The following SLC16A7 variants were observed in gnomAD, a reference collection of about 807,000 sequenced individuals.
SLC16A7 encodes the protein monocarboxylate transporter 2.
In SLC16A7, 33 loss-of-function variants were observed where a neutral mutation model predicts 34.9. The ratio of observed to expected loss-of-function variants is 0.94; its 90% CI spans 0.72 to 1.26. The LOEUF is 1.26. Among genes scored for constraint, SLC16A7 ranks in the 50% most tolerant of loss-of-function variants. The pLI, the probability that SLC16A7 is intolerant of heterozygous loss-of-function variation, is 0.00. For missense variants in SLC16A7, 573 were observed against 578.1 expected, an observed-to-expected ratio of 0.99 and a Z score of 0.09; for synonymous variants, 201 against 206.6, an observed-to-expected ratio of 0.97 and a Z score of 0.23.
At chr12:59,779,379 A>T (rs1405055253) in intron 5 of SLC16A7, 44 bp from the exon 6 acceptor site, 1 of 1,413,348 alleles carries the variant, frequency 7.1e-7, no homozygotes, top group East Asian at 2.3e-5. Flanking sequence ...TCATTATATG[A>T]CTGTTTTATT....
intron 3 of SLC16A7, among the ~76,000 whole-genome samples, chr12:59,716,894 C>A (rs1434535330): frequency 6.6e-6 from 1 of 152,030 alleles, no homozygotes; most frequent in Non-Finnish European, 1.5e-5. Flanking sequence ...AAATCAAAAG[C>A]ATTTAAAGTA....
intron 1 of SLC16A7, among the ~76,000 whole-genome samples, chr12:59,609,774 C>T (rs749282497): frequency 9.2e-5 from 14 of 152,078 alleles, no homozygotes; most frequent in Non-Finnish European, 1.5e-4. Flanking sequence ...TTCAGATAAC[C>T]GCTTGTGGTC....
intron 1 of SLC16A7, among the ~76,000 whole-genome samples, chr12:59,627,317 G>T (rs1879972427): frequency 6.6e-6 from 1 of 151,798 alleles, no homozygotes; most frequent in Non-Finnish European, 1.5e-5. Flanking sequence ...TATTTCATAA[G>T]TACATAAAGT....
At chr12:59,766,919 C>T (rs975104957) in intron 3 of SLC16A7, among the ~76,000 whole-genome samples, 46 of 151,990 alleles carry the variant, frequency 3.0e-4, no homozygotes, top group Non-Finnish European at 6.5e-4. Context: ...CCAGTTCCTC[C>T]TTGTACCTCT....
Position 59,683,069 on chromosome 12 carries a change from A to G in SLC16A7, c.-30-21703A>G, listed in dbSNP as rs557878334. Among the ~76,000 whole-genome samples, 3 of 131,032 alleles carry G rather than the reference A, an allele frequency of 2.3e-5. No individual in the cohort carries two copies. In the East Asian group the frequency reaches 6.2e-4, roughly 27 times the overall value. The allele number at this position is 131,032 out of a possible 152,430, so 86.0% of individuals were successfully genotyped here. Reference sequence around the variant, plus strand: ...CAACAAGAGTGAAACTCTGTCTTGAAAAAAAAAATTGCATATTGACATAAT... The same window carrying G: ...CAACAAGAGTGAAACTCTGTCTTGAGAAAAAAAATTGCATATTGACATAAT... On this transcript the variant is annotated intron_variant, in intron 2 of 5. Coordinates refer to ENST00000547379, the MANE Select transcript of SLC16A7 (RefSeq NM_001270623.2).
At position 59,604,615 on chromosome 12, in the gene SLC16A7, T is replaced by A. The variant is rs549146231; in HGVS notation, c.-130+8379T>A. Among the ~76,000 whole-genome samples the A allele has an allele frequency of 1.6e-3, 247 of 152,348 alleles. 1 individual carries two copies. The highest frequency in any genetic ancestry group is 5.8e-3 in the African/African-American group (241 of 41,586). On this transcript the variant is annotated intron_variant, in intron 1 of 5. Transcript: ENST00000547379. ...TCTATATTTAATACCTTACATGTTT[T>A]AACTAATTTAATCCTCAAAACCTTA...
chr12:59,665,364 A>T (rs1350667134), intron 2 of SLC16A7, among the ~76,000 whole-genome samples: 1 of 152,092 alleles, frequency 6.6e-6, no homozygotes, highest in Non-Finnish European at 1.5e-5. Flanking sequence ...TTTGTATTTC[A>T]TATTATAATG....
intron 3 of SLC16A7, among the ~76,000 whole-genome samples, chr12:59,740,634 T>C (rs1273404299): frequency 2.0e-5 from 3 of 152,142 alleles, no homozygotes; most frequent in East Asian, 1.9e-4. Context: ...GGAAGCATTC[T>C]CTTTGAAAAC....
At chr12:59,758,461 G>A (rs1880647750) in intron 3 of SLC16A7, among the ~76,000 whole-genome samples, 1 of 151,892 alleles carries the variant, frequency 6.6e-6, no homozygotes, top group South Asian at 2.1e-4. Context: ...TCAAAAAGGG[G>A]AGTAGAATCT....
At chr12:59,717,971 G>A (rs1056769956) in intron 3 of SLC16A7, among the ~76,000 whole-genome samples, 3 of 152,092 alleles carry the variant, frequency 2.0e-5, no homozygotes, top group African/African-American at 7.2e-5. Flanking sequence ...TGCTCCCTTA[G>A]GAGGGGCAGT....
intron 2 of SLC16A7, among the ~76,000 whole-genome samples, chr12:59,698,771 C>G (rs1179421412): frequency 1.3e-5 from 2 of 151,664 alleles, no homozygotes; most frequent in Admixed American, 6.6e-5. Context: ...AAATGCCAAA[C>G]CATGGATGCT....
chr12:59,663,247 T>C (rs1380715434), intron 2 of SLC16A7, among the ~76,000 whole-genome samples: 1 of 151,880 alleles, frequency 6.6e-6, no homozygotes, highest in East Asian at 1.9e-4. Flanking sequence ...CTAACTAAAT[T>C]AACTATACAT....
At chr12:59,616,565 T>C (rs1457930098) in intron 1 of SLC16A7, among the ~76,000 whole-genome samples, 3 of 152,190 alleles carry the variant, frequency 2.0e-5, no homozygotes, top group African/African-American at 7.2e-5. Flanking sequence ...TTATTTGCCT[T>C]CAGTTGTGCA....
intron 1 of SLC16A7, among the ~76,000 whole-genome samples, chr12:59,599,322 A>G (rs1878573734): frequency 6.6e-6 from 1 of 152,182 alleles, no homozygotes; most frequent in East Asian, 2.0e-4. Flanking sequence ...CTGAGAACAC[A>G]ATAGTTGAGG....
chr12:59,724,579 A>C (rs1876011955), intron 3 of SLC16A7, among the ~76,000 whole-genome samples: 1 of 152,022 alleles, frequency 6.6e-6, no homozygotes, highest in Non-Finnish European at 1.5e-5. Context: ...TTCAATTATA[A>C]TTCTAAGTAA....
intron 4 of SLC16A7, among the ~76,000 whole-genome samples, chr12:59,774,312 A>G (rs1882518882): frequency 1.3e-5 from 2 of 152,164 alleles, no homozygotes; most frequent in Admixed American, 6.5e-5. Flanking sequence ...ATATGTCAAG[A>G]GGAAAGGATC....
intron 2 of SLC16A7, among the ~76,000 whole-genome samples, chr12:59,680,685 A>G (rs1870676613): frequency 6.6e-6 from 1 of 152,156 alleles, no homozygotes; most frequent in African/African-American, 2.4e-5. Flanking sequence ...CTCCTCTACT[A>G]AAATATGTAT....
intron 1 of SLC16A7, among the ~76,000 whole-genome samples, chr12:59,641,549 C>G (rs1383940114): frequency 7.1e-6 from 1 of 140,106 alleles, no homozygotes; most frequent in Non-Finnish European, 1.5e-5. Context: ...GCAATAGTTT[C>G]TAGGGCTATT....
chr12:59,694,698 G>A (rs1471685852), intron 2 of SLC16A7, among the ~76,000 whole-genome samples: 1 of 151,660 alleles, frequency 6.6e-6, no homozygotes, highest in Admixed American at 6.6e-5. Context: ...CTAGTCACCT[G>A]GAAACAACTA....
Sources: allele counts gnomAD v4.1 joint callset (sites outside exome capture counted in the v4.1 genomes callset), GRCh38; gene constraint gnomAD v4.1.1; transcripts MANE v1.5; gene names NCBI Gene and HGNC (gene_info 2026-07-23, HGNC 2026-07-21).